TNNI3K: variants seen among roughly 807,000 people sequenced by gnomAD.
TNNI3K encodes the protein TNNI3 interacting kinase, also known as serine/threonine-protein kinase TNNI3K.
In TNNI3K, 140 loss-of-function variants were observed where a neutral mutation model predicts 114.5. The observed-to-expected ratio is 1.22, with a 90% CI of 1.07 to 1.41. TNNI3K has a LOEUF of 1.41. Among genes scored for constraint, TNNI3K ranks in the 40% most tolerant of loss-of-function variants. The pLI is 0.00. For synonymous variants in TNNI3K, 347 were observed against 347.5 expected (o/e 1.00, Z 0.02); for missense variants, 1,125 against 1,007.6 (o/e 1.12, Z -1.58).
chr1:74,503,360 A>G (rs1034066189), intron 23 of TNNI3K, among the ~76,000 whole-genome samples: 2 of 152,364 alleles, frequency 1.3e-5, no homozygotes, highest in Admixed American at 6.5e-5. Context: ...TTACTTATTC[A>G]AAGAATGCTG....
At chr1:74,533,800 A>G (rs1439481710) in intron 23 of TNNI3K, among the ~76,000 whole-genome samples, 1 of 152,148 alleles carries the variant, frequency 6.6e-6, no homozygotes, top group Non-Finnish European at 1.5e-5. Context: ...TTCTCAGTAA[A>G]CTATCACAAG....
chr1:74,509,095 T>G (rs1468833457), intron 23 of TNNI3K, among the ~76,000 whole-genome samples: 1 of 152,206 alleles, frequency 6.6e-6, no homozygotes, highest in Non-Finnish European at 1.5e-5. Context: ...CTTCTTCTTT[T>G]TATCACTTAT....
intron 5 of TNNI3K, among the ~76,000 whole-genome samples, chr1:74,318,001 A>G (rs1001133432): frequency 1.3e-5 from 2 of 152,084 alleles, no homozygotes; most frequent in African/African-American, 4.8e-5. Context: ...ACTCTCAACT[A>G]TGTCTTCTCA....
chr1:74,384,355 G>C (rs1304482559), intron 17 of TNNI3K, among the ~76,000 whole-genome samples: 1 of 152,116 alleles, frequency 6.6e-6, no homozygotes, highest in Admixed American at 6.5e-5. Flanking sequence ...TCAGTTGTTT[G>C]ACTGATCTGA....
intron 4 of TNNI3K, among the ~76,000 whole-genome samples, chr1:74,262,231 G>T (rs1176167447): frequency 6.6e-6 from 1 of 151,898 alleles, no homozygotes; most frequent in East Asian, 1.9e-4. Context: ...TCTTTGCTGT[G>T]GGAGGCTGTC....
At chr1:74,335,440 TC>T (rs1457616298) in intron 6 of TNNI3K, among the ~76,000 whole-genome samples, 4 of 152,190 alleles carry the variant, frequency 2.6e-5, no homozygotes, top group Admixed American at 6.5e-5. Flanking sequence ...ATATTTTTTT[TC>T]TTCCTTGCTG....
At chr1:74,534,042 C>A (rs1646628096) in intron 23 of TNNI3K, among the ~76,000 whole-genome samples, 1 of 152,146 alleles carries the variant, frequency 6.6e-6, no homozygotes, top group South Asian at 2.1e-4. Context: ...GAAATTAATT[C>A]CTTCCCAGAC....
At chr1:74,531,142 G>A (rs1646577213) in intron 23 of TNNI3K, among the ~76,000 whole-genome samples, 1 of 152,148 alleles carries the variant, frequency 6.6e-6, no homozygotes, top group Non-Finnish European at 1.5e-5. Context: ...AAAGAAAACT[G>A]ATGGGTTTGA....
intron 23 of TNNI3K, among the ~76,000 whole-genome samples, chr1:74,494,130 G>A (rs1256055805): frequency 2.6e-5 from 4 of 152,032 alleles, no homozygotes; most frequent in South Asian, 2.1e-4. Flanking sequence ...CTCCGTCCAC[G>A]TGAGCACCAA....
chr1:74,332,314 T>C (rs924953178), intron 6 of TNNI3K, among the ~76,000 whole-genome samples: 2 of 152,040 alleles, frequency 1.3e-5, no homozygotes, highest in Non-Finnish European at 2.9e-5. Flanking sequence ...TTTTTTCTTT[T>C]TTGTGAGACG....
Position 74,506,491 on chromosome 1 carries a change from A to T in TNNI3K, c.2351+14225A>T, listed in dbSNP as rs186072297. Among the ~76,000 whole-genome samples the T allele has an allele frequency of 6.8e-4, 103 of 152,274 alleles. 3 individuals carry two copies. In the East Asian group the frequency reaches 0.019, roughly 28 times the overall value. ...TGTGAGACAAGAGAGCTGCTCTCAT[A>T]CTAATCAGTTGTGTGACATGAGCAA... is the stretch of plus-strand genomic sequence containing the variant. On this transcript the variant is annotated intron_variant, in intron 23 of 24. Transcript: ENST00000326637.
At chr1:74,501,500 G>GTTTT (rs1157203088) in intron 23 of TNNI3K, among the ~76,000 whole-genome samples, 1 of 146,612 alleles carries the variant, frequency 6.8e-6, no homozygotes, top group African/African-American at 2.7e-5. Flanking sequence ...TTGTTTGTTT[G>GTTTT]TTTGTTTTTT....
At chr1:74,434,599 T>C (rs559465842) in intron 17 of TNNI3K, among the ~76,000 whole-genome samples, 2 of 151,836 alleles carry the variant, frequency 1.3e-5, no homozygotes, top group African/African-American at 2.4e-5. Flanking sequence ...TGCAATTTTC[T>C]TATTGCATTT....
Position 74,353,472 on chromosome 1 carries a change from G to A in TNNI3K, c.1027+112G>A. ...GAGTGCTCAACTCCAGTGGGAAAGG[G>A]TATTTTATCAACTGCCAGCATTTAG... is the stretch of plus-strand genomic sequence containing the variant. On this transcript the variant is annotated intron_variant, in intron 10 of 24. Transcript: ENST00000326637. 4 of 1,138,714 alleles carry A rather than the reference G, an allele frequency of 3.5e-6. No homozygotes were observed. The South Asian group carries it at 6.1e-5, about 17-fold the overall frequency. The allele number at this position is 1,138,714 out of a possible 1,614,324, so 70.5% of individuals were successfully genotyped here.
rs1377053885 is a variant in TNNI3K at position 74,250,619 on chromosome 1, A to G, written c.236-53A>G. On this transcript the variant is annotated intron_variant, in intron 3 of 24. Transcript: ENST00000326637. ...TTATCATTAGGTCAAAAAGAGTCTC[A>G]AACTCACCCCATCCCCACAATGATT... 3.1e-5 allele frequency: 48 copies of G among 1,551,654 alleles called. 1 individual carries two copies. In the East Asian group the frequency reaches 1.1e-3, roughly 36 times the overall value.
intron 17 of TNNI3K, among the ~76,000 whole-genome samples, chr1:74,402,873 A>G (rs1312856862): frequency 6.6e-6 from 1 of 150,946 alleles, no homozygotes; most frequent in Admixed American, 6.6e-5. Flanking sequence ...ATGAGTTTTT[A>G]TTTTTTTTTA....
At chr1:74,472,019 G>A in intron 21 of TNNI3K, 1 of 694,582 alleles carries the variant, frequency 1.4e-6, no homozygotes, top group South Asian at 1.6e-5. Context: ...TGTTCCTCAG[G>A]CTCACAAGGC....
rs1646759607 is a variant in TNNI3K at position 74,544,036 on chromosome 1, T to C, written c.*54T>C. ...TTTTTCCCCGAACTGACAGCAACGA[T>C]TCCAACCACGGCAAGCTGGCTTCCA... On this transcript the variant is annotated 3_prime_UTR_variant, in exon 25 of 25. Coordinates refer to ENST00000326637, the MANE Select transcript of TNNI3K (RefSeq NM_015978.3). 1.3e-6 allele frequency: 2 copies of C among 1,579,396 alleles called. No individual in the cohort carries two copies. The highest frequency in any genetic ancestry group is 1.2e-5 in the South Asian group (1 of 85,566).
intron 23 of TNNI3K, among the ~76,000 whole-genome samples, chr1:74,513,931 T>C (rs1331814865): frequency 6.6e-6 from 1 of 152,228 alleles, no homozygotes; most frequent in Non-Finnish European, 1.5e-5. Context: ...CCTTTGTTTT[T>C]CTATAGACTA....
Sources: gnomAD v4.1 joint callset for allele counts (sites outside exome capture counted in the v4.1 genomes callset) on GRCh38, gnomAD v4.1.1 for gene constraint, MANE v1.5 for transcripts, NCBI Gene and HGNC (gene_info 2026-07-23, HGNC 2026-07-21) for gene names.